TDRD5: variants seen among roughly 807,000 people sequenced by gnomAD.
TDRD5 encodes the protein tudor domain-containing protein 5.
TDRD5 carries 41 observed loss-of-function variants against 120.6 expected under a neutral mutation model. The observed-to-expected ratio is 0.34, with a 90% confidence interval of 0.26 to 0.44. The LOEUF (loss-of-function observed/expected upper bound fraction) is 0.44. Ranked by LOEUF, TDRD5 falls within the 20% of genes least tolerant of loss-of-function variation. TDRD5 has a pLI of 1.00. For missense variants in TDRD5, 1,006 were observed against 1,221.2 expected (o/e 0.82, Z 2.63); for synonymous variants, 430 against 433.7 (o/e 0.99, Z 0.11).
intron 17 of TDRD5, among the ~76,000 whole-genome samples, chr1:179,671,972 G>GTC: frequency 6.6e-6 from 1 of 151,638 alleles, no homozygotes; most frequent in East Asian, 1.9e-4. Flanking sequence ...GTGTGTGTGT[G>GTC]TGTGTGTGTG....
At chr1:179,625,751 A>G (rs1005170684) in intron 6 of TDRD5, among the ~76,000 whole-genome samples, 4 of 152,208 alleles carry the variant, frequency 2.6e-5, no homozygotes, top group African/African-American at 9.7e-5. Flanking sequence ...TAAGCCTACT[A>G]TTCATCAATA....
chr1:179,592,341 A>G (rs560611385), intron 1 of TDRD5: 5 of 396,710 alleles, frequency 1.3e-5, no homozygotes, highest in East Asian at 5.5e-5. Flanking sequence ...TTGGAGTCCA[A>G]CACCCGACAG....
chr1:179,597,694 C>T (rs12086891), intron 4 of TDRD5, among the ~76,000 whole-genome samples: 12,877 of 152,094 alleles, frequency 0.085, 697 homozygotes, highest in African/African-American at 0.14. Context: ...TTTTCTCCTA[C>T]GTTTTTCTTG....
chr1:179,612,157 A>G (rs547226176), intron 4 of TDRD5, among the ~76,000 whole-genome samples: 2 of 152,326 alleles, frequency 1.3e-5, no homozygotes, highest in South Asian at 2.1e-4. Flanking sequence ...TGTTCTTCCA[A>G]AGTGAACATG....
At chr1:179,659,488 A>G (rs1278603491) in intron 14 of TDRD5, among the ~76,000 whole-genome samples, 1 of 151,038 alleles carries the variant, frequency 6.6e-6, no homozygotes, top group Non-Finnish European at 1.5e-5. Context: ...TTTATTCACA[A>G]TTACTTTTTT....
intron 17 of TDRD5, among the ~76,000 whole-genome samples, chr1:179,690,034 C>T (rs1343931234): frequency 2.0e-5 from 3 of 152,206 alleles, no homozygotes; most frequent in Non-Finnish European, 4.4e-5. Context: ...TGCTTCGGCT[C>T]ATGCTCTGTG....
intron 4 of TDRD5, among the ~76,000 whole-genome samples, chr1:179,597,339 T>TC (rs1675451207): frequency 6.8e-6 from 1 of 146,926 alleles, no homozygotes; most frequent in Non-Finnish European, 1.5e-5. Context: ...TTTCTTTTTT[T>TC]TTTTTTTTTT....
chr1:179,639,752 C>A, intron 9 of TDRD5, 87 bp from the exon 10 acceptor site: 1 of 1,421,752 alleles, frequency 7.0e-7, no homozygotes, highest in South Asian at 1.3e-5. Context: ...TGCTTTTTGC[C>A]AAGACTTTCT....
chr1:179,659,930 A>G (rs1164858541), intron 14 of TDRD5, among the ~76,000 whole-genome samples: 1 of 152,058 alleles, frequency 6.6e-6, no homozygotes, highest in Admixed American at 6.6e-5. Context: ...TCCCGACCTC[A>G]GATGATCTGC....
rs1392082962 is a variant in TDRD5 at position 179,638,746 on chromosome 1, T to C, written c.1521-1093T>C. On this transcript the variant is annotated intron_variant, in intron 9 of 17. Transcript: ENST00000444136. Reference sequence around the variant, plus strand: ...AAAAAGAAGTGGGGGATGGGAGATATACCTGTTCTATTGAAAGACACAACC... The same window carrying C: ...AAAAAGAAGTGGGGGATGGGAGATACACCTGTTCTATTGAAAGACACAACC... Among the ~76,000 whole-genome samples, 3 of 127,552 alleles carry C rather than the reference T, an allele frequency of 2.4e-5. 1 individual carries two copies. The highest frequency in any genetic ancestry group is 8.3e-5 in the African/African-American group (3 of 36,002). The allele number at this position is 127,552 out of a possible 152,430, so 83.7% of individuals were successfully genotyped here. A position where few individuals can be genotyped will look rare whatever the true frequency, so the allele number is the denominator to read the frequency against.
intron 4 of TDRD5, among the ~76,000 whole-genome samples, chr1:179,617,335 G>A (rs942178153): frequency 2.6e-5 from 4 of 152,136 alleles, no homozygotes; most frequent in African/African-American, 9.7e-5. Flanking sequence ...TGCCAGAGGA[G>A]CAGGCAAGGG....
intron 17 of TDRD5, among the ~76,000 whole-genome samples, chr1:179,686,455 T>C (rs539935872): frequency 3.3e-5 from 5 of 152,380 alleles, no homozygotes; most frequent in Admixed American, 1.3e-4. Context: ...CAGTATTTTA[T>C]TGAGGATTTT....
At chr1:179,634,804 C>T (rs1312830786) in intron 8 of TDRD5, among the ~76,000 whole-genome samples, 175 bp downstream of exon 8, 1 of 152,120 alleles carries the variant, frequency 6.6e-6, no homozygotes, top group Admixed American at 6.5e-5. Flanking sequence ...TTCTGGTTTT[C>T]AGTCTTTTAT....
intron 4 of TDRD5, among the ~76,000 whole-genome samples, chr1:179,617,767 TC>T (rs1210971408): frequency 5.9e-5 from 9 of 152,056 alleles, no homozygotes; most frequent in Non-Finnish European, 1.2e-4. Context: ...TCTGATCACA[TC>T]CTCCTGTCCT....
chr1:179,640,094 A>G, intron 10 of TDRD5, 43 bp downstream of exon 10: 1 of 1,597,828 alleles, frequency 6.3e-7, no homozygotes. Context: ...TTAAATTTTG[A>G]ATCACAGTGT....
chr1:179,670,375 G>A (rs1048702108), intron 17 of TDRD5, among the ~76,000 whole-genome samples: 6 of 150,692 alleles, frequency 4.0e-5, no homozygotes, highest in African/African-American at 1.5e-4. Context: ...CTGGGTGACA[G>A]AGTGAGACTC....
chr1:179,599,604 A>C (rs1165988037), intron 4 of TDRD5, among the ~76,000 whole-genome samples: 3 of 151,910 alleles, frequency 2.0e-5, no homozygotes, highest in Non-Finnish European at 2.9e-5. Context: ...CTAGGTTGTC[A>C]AATTTATTGA....
In TDRD5 at chr1:179,635,392, C is replaced by T. The variant is rs112071942; in HGVS notation, c.1300-275C>T. 2.8e-3 allele frequency among the ~76,000 whole-genome samples: 425 copies of T among 152,182 alleles called. 1 individual carries two copies. The highest frequency in any genetic ancestry group is 4.9e-3 in the Non-Finnish European group (333 of 68,006). On this transcript the variant is annotated intron_variant, in intron 8 of 17. Coordinates refer to ENST00000444136, the MANE Select transcript of TDRD5 (RefSeq NM_001199085.3). ...AATTTTGTATAGAGCAATTGTGTAA[C>T]GCTTTTAAACTCTATACCTAATGTC...
chr1:179,631,334 G>A (rs893414925), intron 7 of TDRD5, among the ~76,000 whole-genome samples: 4 of 152,154 alleles, frequency 2.6e-5, no homozygotes, highest in Non-Finnish European at 5.9e-5. Flanking sequence ...GGAGCTTGCC[G>A]GGAGCCGAGA....
Sources: gnomAD v4.1 joint callset for allele counts (sites outside exome capture counted in the v4.1 genomes callset) on GRCh38, gnomAD v4.1.1 for gene constraint, MANE v1.5 for transcripts, NCBI Gene and HGNC (gene_info 2026-07-23, HGNC 2026-07-21) for gene names.